Variants in APBA2 observed in about 807,000 individuals in gnomAD.
APBA2 encodes the protein amyloid-beta A4 precursor protein-binding family A member 2.
APBA2 carries 30 observed loss-of-function variants against 75.0 expected under a neutral mutation model. The observed-to-expected ratio is 0.40, with a 90% CI of 0.30 to 0.54. APBA2 has a LOEUF of 0.54. Ranked by LOEUF, APBA2 falls within the 20% of genes least tolerant of loss-of-function variation. The probability of loss-of-function intolerance (pLI) is 0.49; values close to 1 mark genes in which losing one functional copy is unlikely to be tolerated. For missense variants in APBA2, 801 were observed against 1,016.1 expected (o/e 0.79, Z 2.88); for synonymous variants, 444 against 409.6 (o/e 1.08, Z -1.01).
chr15:29,031,476 C>CT (rs918981973), intron 3 of APBA2, among the ~76,000 whole-genome samples: 64 of 149,568 alleles, frequency 4.3e-4, no homozygotes, highest in East Asian at 2.7e-3. Context: ...CCCAATTTAT[C>CT]TTTTTTTTTT....
At position 29,080,683 on chromosome 15, in the gene APBA2, C is replaced by G. The variant is rs2043049045; in HGVS notation, c.1069+4592C>G. 3.3e-5 allele frequency among the ~76,000 whole-genome samples: 5 copies of G among 152,196 alleles called. No homozygotes were observed. The South Asian group carries it at 1.0e-3, about 32-fold the overall frequency. ...TCCTACAGGACGTGGTGTCTGGCAG[C>G]AGCTTGAGCCCAAGCTGCTTAGAGG... is the stretch of plus-strand genomic sequence containing the variant. On this transcript the variant is annotated intron_variant, in intron 6 of 14. Coordinates refer to ENST00000683413, the MANE Select transcript of APBA2 (RefSeq NM_001353788.2).
chr15:29,096,256 C>A (rs1319991886), intron 8 of APBA2, among the ~76,000 whole-genome samples: 2 of 152,182 alleles, frequency 1.3e-5, no homozygotes, highest in African/African-American at 4.8e-5. Flanking sequence ...ACTGTCGACA[C>A]CCTCCCTTCT....
chr15:29,100,582 C>T (rs1433397648), intron 9 of APBA2, among the ~76,000 whole-genome samples: 2 of 152,210 alleles, frequency 1.3e-5, no homozygotes, highest in Non-Finnish European at 2.9e-5. Context: ...CATGGGCCTG[C>T]CAGAGGCCGA....
At chr15:28,923,420 T>C (rs2034082198) in intron 2 of APBA2, among the ~76,000 whole-genome samples, 2 of 152,124 alleles carry the variant, frequency 1.3e-5, no homozygotes, top group Non-Finnish European at 2.9e-5. Context: ...AACTCTGATA[T>C]ATAGAGTTAT....
chr15:29,087,141 G>A (rs1254903008), intron 6 of APBA2, among the ~76,000 whole-genome samples: 3 of 152,232 alleles, frequency 2.0e-5, no homozygotes, highest in Non-Finnish European at 2.9e-5. Flanking sequence ...GAACTCCACT[G>A]TGTGGATAGA....
At chr15:29,042,918 T>A (rs570465344) in intron 3 of APBA2, among the ~76,000 whole-genome samples, 2 of 152,136 alleles carry the variant, frequency 1.3e-5, no homozygotes, top group Non-Finnish European at 2.9e-5. Flanking sequence ...TCAGTGCTGG[T>A]AACGTTCTGT....
chr15:29,035,952 T>C (rs1412121608), intron 3 of APBA2, among the ~76,000 whole-genome samples: 1 of 152,002 alleles, frequency 6.6e-6, no homozygotes, highest in African/African-American at 2.4e-5. Context: ...AGCGCCCCCC[T>C]ACCTGGGGAA....
chr15:28,989,559 C>T (rs959217794), intron 2 of APBA2, among the ~76,000 whole-genome samples: 1 of 152,184 alleles, frequency 6.6e-6, no homozygotes, highest in African/African-American at 2.4e-5. Flanking sequence ...CACTCTGGCT[C>T]CCGGTCTCCT....
intron 3 of APBA2, among the ~76,000 whole-genome samples, chr15:29,020,203 T>TAAACC (rs2039880709): frequency 6.6e-6 from 1 of 152,138 alleles, no homozygotes; most frequent in Non-Finnish European, 1.5e-5. Flanking sequence ...AAAAAAAGGT[T>TAAACC]TAATACATCC....
At chr15:29,014,724 A>T (rs201711810) in intron 3 of APBA2, among the ~76,000 whole-genome samples, 13 of 98,842 alleles carry the variant, frequency 1.3e-4, no homozygotes, top group African/African-American at 3.7e-4. Flanking sequence ...TTTTTTTTTT[A>T]AAGAGACAGG....
rs144741312 is a variant in APBA2, at chr15:29,093,082, G to A, written c.1077G>A (p.Gly359=). ...ASFPSFVAVP[G]PCEPEDLIDG... is the part of the protein sequence containing the mutation. ...CTCTGTGCCCTCCTTCAGTTCCAGG[G>A]CCCTGCGAACCAGAAGACCTCATCG... Residue 359 remains glycine (G), a synonymous_variant, in exon 7 of 15, where the codon GGG becomes GGA. Transcript: ENST00000683413. 62 of 1,614,178 alleles carry A rather than the reference G, an allele frequency of 3.8e-5. No homozygotes were observed. The African/African-American group carries it at 6.9e-4, about 18-fold the overall frequency.
At chr15:29,088,986 C>T (rs2152944476) in intron 6 of APBA2, among the ~76,000 whole-genome samples, 1 of 152,306 alleles carries the variant, frequency 6.6e-6, no homozygotes, top group Admixed American at 6.5e-5. Context: ...TTGTTGATTC[C>T]TTCTCCTCCT....
intron 3 of APBA2, among the ~76,000 whole-genome samples, chr15:29,000,918 G>A (rs1318570976): frequency 2.0e-5 from 3 of 152,158 alleles, no homozygotes; most frequent in Non-Finnish European, 2.9e-5. Context: ...ACATTGACCT[G>A]GCTCTGCCTC....
intron 13 of APBA2, among the ~76,000 whole-genome samples, chr15:29,113,108 C>T (rs1381338658): frequency 2.0e-5 from 3 of 152,180 alleles, no homozygotes; most frequent in Non-Finnish European, 4.4e-5. Flanking sequence ...TCCGTGCTGT[C>T]ACCCTCGGCT....
intron 2 of APBA2, among the ~76,000 whole-genome samples, chr15:28,935,299 G>A (rs903497706): frequency 2.0e-5 from 3 of 152,152 alleles, no homozygotes; most frequent in Admixed American, 6.5e-5. Context: ...ACAGCACTTC[G>A]CATGGGTTTG....
intron 3 of APBA2, among the ~76,000 whole-genome samples, chr15:29,024,575 G>A (rs1172097288): frequency 4.6e-5 from 7 of 152,142 alleles, no homozygotes; most frequent in Admixed American, 6.5e-5. Context: ...TTCAGCGTTC[G>A]TCTGATTGCT....
intron 2 of APBA2, among the ~76,000 whole-genome samples, chr15:28,958,693 T>C (rs188988747): frequency 3.8e-4 from 58 of 152,322 alleles, no homozygotes; most frequent in African/African-American, 1.4e-3. Flanking sequence ...TTTAACAGCC[T>C]CTGTGTTTTC....
At chr15:28,915,100 TACCCACCTCAC>T (rs2033610990) in intron 1 of APBA2, among the ~76,000 whole-genome samples, 1 of 63,858 alleles carries the variant, frequency 1.6e-5, no homozygotes, top group African/African-American at 6.0e-5. Flanking sequence ...AAACATACCA[TACCCACCTCAC>T]ACACACCACA....
chr15:28,974,301 G>T (rs1351113996), intron 2 of APBA2, among the ~76,000 whole-genome samples: 1 of 152,242 alleles, frequency 6.6e-6, no homozygotes, highest in East Asian at 1.9e-4. Context: ...GTGTGGTTAT[G>T]TCTGCTTCAC....
Sources: allele counts gnomAD v4.1 joint callset (sites outside exome capture counted in the v4.1 genomes callset), GRCh38; gene constraint gnomAD v4.1.1; transcripts MANE v1.5; gene names NCBI Gene and HGNC (gene_info 2026-07-23, HGNC 2026-07-21).